Variants in GARS1 observed in about 807,000 individuals in gnomAD.
The protein encoded by GARS1 is glycine--tRNA ligase.
A neutral mutation model predicts 86.4 loss-of-function variants in GARS1; 46 were observed. The ratio of observed to expected loss-of-function variants is 0.53; its 90% confidence interval spans 0.42 to 0.68. The LOEUF is 0.68. Among genes scored for constraint, GARS1 ranks in the 30% least tolerant of loss-of-function variants. The probability of loss-of-function intolerance (pLI) is 0.00; values close to 1 mark genes in which losing one functional copy is unlikely to be tolerated. For missense variants in GARS1, 797 were observed against 915.6 expected (o/e 0.87, Z 1.67); for synonymous variants, 342 against 329.8 (o/e 1.04, Z -0.40).
intron 9 of GARS1, 86 bp downstream of exon 9, chr7:30,616,144 G>C: frequency 6.9e-7 from 1 of 1,449,878 alleles, no homozygotes; most frequent in Non-Finnish European, 9.7e-7. Flanking sequence ...TGGGTGACAA[G>C]ATATTTTATT....
chr7:30,618,467 C>A (rs1247493014), intron 10 of GARS1, among the ~76,000 whole-genome samples: 3 of 152,124 alleles, frequency 2.0e-5, no homozygotes, highest in African/African-American at 7.2e-5. Flanking sequence ...GACCCTGTCT[C>A]TACAAAAAAT....
chr7:30,616,804 A>T (rs1782897991), intron 9 of GARS1, among the ~76,000 whole-genome samples: 1 of 152,230 alleles, frequency 6.6e-6, no homozygotes, highest in Non-Finnish European at 1.5e-5. Flanking sequence ...AGTGTCAATT[A>T]TGAATATTGT....
chr7:30,626,196 G>A (rs572609342), intron 12 of GARS1, 38 bp from the exon 13 acceptor site: 1 of 1,364,918 alleles, frequency 7.3e-7, no homozygotes, highest in African/African-American at 1.4e-5. Context: ...CAGGGTGCCT[G>A]TTTGAACTAA....
chr7:30,599,940 C>CT lies in GARS1; in HGVS notation c.325-6dup. 6.4e-7 allele frequency: 1 copy of CT among 1,552,364 alleles called. No individual in the cohort carries two copies. The highest frequency in any genetic ancestry group is 8.8e-7 in the Non-Finnish European group (1 of 1,129,950). On this transcript the variant is annotated splice_polypyrimidine_tract_variant and splice_region_variant and intron_variant, in intron 2 of 16. Coordinates refer to ENST00000389266, the MANE Select transcript of GARS1 (RefSeq NM_002047.4). Reference sequence around the variant, plus strand: ...CACTCACTCACTTTTTATTTAATCTCTAACAGGAGCTGGCGTTACAGCCCA... The same window carrying CT: ...CACTCACTCACTTTTTATTTAATCTCTTAACAGGAGCTGGCGTTACAGCCCA...
Position 30,621,394 on chromosome 7 carries a change from G to C in GARS1, c.1361G>C (p.Gly454Ala). 1 of 1,613,490 alleles carries C rather than the reference G, an allele frequency of 6.2e-7. No homozygotes were observed. Among genetic ancestry groups the C allele is most frequent in the South Asian group, 1.1e-5 (1 of 91,084 alleles). ...TTTTTATTGATTATATCTTTTTAGG[G>C]TTGGATTGAGATTGTTGGATGTGCT... The part of the protein sequence containing the change: ...CWDAESKTSY[G>A]WIEIVGCADR... The change falls in exon 11 of 17, where the codon GGT (glycine) becomes GCT (alanine). Residue 454 changes from glycine (G) to alanine (A), a missense_variant and splice_region_variant. Gly to Ala is a moderately conservative substitution (Grantham distance 60). Coordinates refer to ENST00000389266, the MANE Select transcript of GARS1 (RefSeq NM_002047.4).
Position 30,631,461 on chromosome 7 carries a change from C to G in GARS1, c.1823C>G (p.Pro608Arg). 2 of 1,612,940 alleles carry G rather than the reference C, an allele frequency of 1.2e-6. No homozygotes were observed. Among genetic ancestry groups the G allele is most frequent in the Non-Finnish European group, 1.7e-6 (2 of 1,179,144 alleles). Residue 608 changes from proline (P) to arginine (R), a missense_variant, in exon 15 of 17, where the codon CCT (proline) becomes CGT (arginine). Coordinates refer to ENST00000389266, the MANE Select transcript of GARS1 (RefSeq NM_002047.4). The part of the protein sequence containing the change: ...GDEQRTFFSF[P>R]AVVAPFKCSV... The stretch of plus-strand genomic sequence containing the variant: ...TAAATCATCCAGTTCTTCAGTTTCC[C>G]TGCTGTAGTTGCTCCATTCAAATGT...
intron 10 of GARS1, among the ~76,000 whole-genome samples, chr7:30,620,069 G>A (rs1365986128): frequency 6.6e-6 from 1 of 151,644 alleles, no homozygotes; most frequent in Non-Finnish European, 1.5e-5. Context: ...GAACCACTGT[G>A]TCTGGCCAAG....
chr7:30,632,261 A>G lies in GARS1; in HGVS notation c.1918A>G (p.Arg640Gly), dbSNP rs1562784182. 6.2e-7 allele frequency: 1 copy of G among 1,614,156 alleles called. No individual in the cohort carries two copies. ...ATTTTGGATAGCGGAAGCCCTGACC[A>G]GGCATGGAGTATCTCACAAAGTAGA... The part of the protein sequence containing the change: ...FVKELSEALT[R>G]HGVSHKVDDS... The change falls in exon 16 of 17, where the codon AGG (arginine) becomes GGG (glycine). Residue 640 changes from arginine (R) to glycine (G), a missense_variant. Around this residue, in one of 2 missense-constraint regions of GARS1, gnomAD observed 598 missense variants for 738.7 expected, o/e 0.81. Transcript: ENST00000389266. This position sits in a 1 kb window ranked among gnomAD's most constrained non-coding sequence, Gnocchi z 4.1.
chr7:30,624,850 T>C (rs1783094994), intron 12 of GARS1, among the ~76,000 whole-genome samples: 1 of 152,276 alleles, frequency 6.6e-6, no homozygotes, highest in Non-Finnish European at 1.5e-5. Flanking sequence ...CCCATTAAAA[T>C]GGACTAAGTT....
At chr7:30,609,752 C>T in intron 7 of GARS1, 22 bp downstream of exon 7, 1 of 1,611,160 alleles carries the variant, frequency 6.2e-7, no homozygotes, top group Non-Finnish European at 8.5e-7. Context: ...TTATTGTTTA[C>T]CTGTTTATGT....
chr7:30,603,215 A>G, intron 5 of GARS1, 93 bp downstream of exon 5: 3 of 1,086,904 alleles, frequency 2.8e-6, no homozygotes, highest in South Asian at 2.6e-5. Context: ...TTATTGAGGC[A>G]TAACATTCAA....
In GARS1 at chr7:30,603,113, C is replaced by A; in HGVS notation, c.649C>A (p.Leu217Ile). ...TGGAGAATGTTTTCGTGCTGACCAT[C>A]TATTAAAAGGTGAGGTTCTTCATCT... ...KNGECFRADH[L>I]LKAHLQKLMS... Residue 217 changes from leucine to isoleucine, a missense_variant, in exon 5 of 17, where the codon CTA (leucine) becomes ATA (isoleucine). Leu to Ile is a conservative substitution (Grantham distance 5). This residue lies in a region of GARS1 where 598 missense variants were observed against 738.7 expected (regional missense o/e 0.81). Coordinates refer to ENST00000389266, the MANE Select transcript of GARS1 (RefSeq NM_002047.4). The A allele has an allele frequency of 1.9e-6, 3 of 1,613,096 alleles. No homozygotes were observed. Among genetic ancestry groups the A allele is most frequent in the Non-Finnish European group, 2.5e-6 (3 of 1,179,168 alleles).
rs1783011478 is a variant in GARS1, at chr7:30,621,755, G to C, written c.1467+255G>C. The C allele has an allele frequency of 1.8e-5, 10 of 561,326 alleles. No individual in the cohort carries two copies. In the East Asian group the frequency reaches 3.0e-4, roughly 17 times the overall value. The allele number at this position is 561,326 out of a possible 1,614,324, so 34.8% of individuals were successfully genotyped here. ...AGAAAAATGCTCTGAATATCTTTCA[G>C]AACGTTAATAGTTTTTCTCAGCTGT... is the stretch of plus-strand genomic sequence containing the variant. On this transcript the variant is annotated intron_variant, in intron 11 of 16. Coordinates refer to ENST00000389266, the MANE Select transcript of GARS1 (RefSeq NM_002047.4).
intron 2 of GARS1, 80 bp from the exon 3 acceptor site, chr7:30,599,867 G>A (rs947978217): frequency 4.5e-6 from 4 of 896,574 alleles, no homozygotes; most frequent in East Asian, 2.4e-5. Flanking sequence ...TTCTGGTGAG[G>A]AATAAACTAA....
chr7:30,620,769 C>G (rs972057845), intron 10 of GARS1, among the ~76,000 whole-genome samples: 6 of 152,024 alleles, frequency 3.9e-5, no homozygotes, highest in African/African-American at 1.4e-4. Context: ...ATCCAAATGC[C>G]CACATTTATG....
rs528223570 is a variant in GARS1, at chr7:30,621,484, A to G, written c.1451A>G (p.Lys484Arg). ...ACCAAAGTCCCACTTGTAGCTGAGAAACCTCTGAAAGAACCCATATCCTTT... is the reference window on the plus strand; with the variant it reads ...ACCAAAGTCCCACTTGTAGCTGAGAGACCTCTGAAAGAACCCATATCCTTT... ...RATKVPLVAE[K>R]PLKEPKTVNV... Residue 484 changes from lysine (K) to arginine (R), a missense_variant, in exon 11 of 17, where the codon AAA becomes AGA. By Grantham distance (26) the Lys-to-Arg change is conservative. Around this residue, in one of 2 missense-constraint regions of GARS1, gnomAD observed 598 missense variants for 738.7 expected, o/e 0.81. Coordinates refer to ENST00000389266, the MANE Select transcript of GARS1 (RefSeq NM_002047.4). The G allele has an allele frequency of 6.2e-7, 1 of 1,614,028 alleles. No homozygotes were observed. The highest frequency in any genetic ancestry group is 1.3e-5 in the African/African-American group (1 of 75,048).
At chr7:30,615,743 C>G (rs912964412) in intron 8 of GARS1, among the ~76,000 whole-genome samples, 153 bp from the exon 9 acceptor site, 1 of 152,028 alleles carries the variant, frequency 6.6e-6, no homozygotes, top group Non-Finnish European at 1.5e-5. Context: ...TTGGCCATTC[C>G]CTTAGGAAAC....
At chr7:30,612,271 T>C (rs778541338) in intron 8 of GARS1, 26 bp downstream of exon 8, 1 of 1,607,892 alleles carries the variant, frequency 6.2e-7, no homozygotes, top group South Asian at 1.1e-5. Flanking sequence ...CTCTTACAAA[T>C]TAGTGAATGA....
intron 12 of GARS1, among the ~76,000 whole-genome samples, chr7:30,625,108 A>T (rs1783100648): frequency 6.6e-6 from 1 of 151,976 alleles, no homozygotes; most frequent in Non-Finnish European, 1.5e-5. Context: ...ACGCCTAGCT[A>T]ATTTTTTGTA....
Sources: gnomAD v4.1 joint callset for allele counts (sites outside exome capture counted in the v4.1 genomes callset) on GRCh38, gnomAD v4.1.1 for gene constraint, gnomAD v4.1.1 regional missense constraint, Gnocchi (gnomAD v3.1) non-coding constraint, MANE v1.5 for transcripts, NCBI Gene and HGNC (gene_info 2026-07-23, HGNC 2026-07-21) for gene names.